The following DKK3 variants were observed in gnomAD, a reference collection of about 807,000 sequenced individuals.
DKK3 encodes dickkopf Wnt signaling pathway inhibitor 3, also known as dickkopf-related protein 3.
In DKK3, 22 loss-of-function variants were observed where a neutral mutation model predicts 33.2. The ratio of observed to expected loss-of-function variants is 0.66; its 90% CI spans 0.47 to 0.95. DKK3 has a LOEUF of 0.95. DKK3 is among the 40% of genes least tolerant of loss of function. DKK3 has a pLI of 0.00. For missense variants in DKK3, 398 were observed against 458.4 expected (o/e 0.87, Z 1.20); for synonymous variants, 194 against 188.8 (o/e 1.03, Z -0.23).
At chr11:11,998,378 T>C (rs1848344306) in intron 3 of DKK3, 1 of 448,676 alleles carries the variant, frequency 2.2e-6, no homozygotes. Context: ...CCACCTGATA[T>C]ACCAGGTCTG....
At chr11:11,972,939 G>T (rs577559324) in intron 3 of DKK3, among the ~76,000 whole-genome samples, 1 of 152,270 alleles carries the variant, frequency 6.6e-6, no homozygotes, top group African/African-American at 2.4e-5. Flanking sequence ...GCTGAGATCA[G>T]AAATAAGAGG....
intron 1 of DKK3, among the ~76,000 whole-genome samples, chr11:12,006,252 A>T (rs141149648): frequency 1.3e-5 from 2 of 152,268 alleles, no homozygotes; most frequent in African/African-American, 2.4e-5. Context: ...TGATAGTTTC[A>T]CAATCACAGG....
chr11:11,988,876 C>T (rs927383123), intron 3 of DKK3, among the ~76,000 whole-genome samples: 1 of 152,218 alleles, frequency 6.6e-6, no homozygotes, highest in Admixed American at 6.5e-5. Context: ...AGGTCAGTGG[C>T]ATCAGTTAAG....
chr11:11,968,355 G>A (rs942325319), intron 4 of DKK3, 40 bp downstream of exon 4: 1 of 1,577,162 alleles, frequency 6.3e-7, no homozygotes, highest in Non-Finnish European at 8.6e-7. Context: ...AGGTGCCTGA[G>A]ACCCTGGTGC....
chr11:11,964,417 T>C lies in DKK3; in HGVS notation c.*47A>G. The C allele has an allele frequency of 6.3e-7, 1 of 1,591,458 alleles. No individual in the cohort carries two copies. Among genetic ancestry groups the C allele is most frequent in the Non-Finnish European group, 8.5e-7 (1 of 1,173,082 alleles). ...CGCCTAAAGCACACACCTGGGGAAA[T>C]AAATTAGCTATTTCTATTGCACATC... On this transcript the variant is annotated 3_prime_UTR_variant, in exon 7 of 7. Transcript: ENST00000683431.
rs1353102791 is a variant in DKK3 at position 11,974,534 on chromosome 11, A to C, written c.436-6047T>G. Among the ~76,000 whole-genome samples, 3 of 152,228 alleles carry C rather than the reference A, an allele frequency of 2.0e-5. No individual in the cohort carries two copies. The South Asian group carries it at 6.2e-4, about 32-fold the overall frequency. ...AGAAAGGGCAAGAGAAAAGGGGACCAAACTTGCCCTTTTATAAGAAACCAA... is the reference window on the plus strand; with the variant it reads ...AGAAAGGGCAAGAGAAAAGGGGACCCAACTTGCCCTTTTATAAGAAACCAA... On this transcript the variant is annotated intron_variant, in intron 3 of 6. Coordinates refer to ENST00000683431, the MANE Select transcript of DKK3 (RefSeq NM_001018057.2).
chr11:11,997,856 A>G (rs541084328), intron 3 of DKK3, among the ~76,000 whole-genome samples: 2 of 152,324 alleles, frequency 1.3e-5, no homozygotes, highest in Non-Finnish European at 2.9e-5. Context: ...CCTTCCAGCC[A>G]TCAGACCAAA....
chr11:12,008,858 T>C, upstream of DKK3: 1 of 1,143,610 alleles, frequency 8.7e-7, no homozygotes, highest in Non-Finnish European at 1.1e-6. The surrounding 1 kb of genome is among the most constrained non-coding windows in gnomAD (Gnocchi z 4.6). Context: ...CAAGCTGAGC[T>C]CTGCTCCTCA....
Position 12,008,319 on chromosome 11 carries a change from T to C in DKK3, c.213+51A>G. On this transcript the variant is annotated intron_variant, in intron 1 of 6. Transcript: ENST00000683431. This position sits in a 1 kb window ranked among gnomAD's most constrained non-coding sequence, Gnocchi z 4.6. ...TCTTCCATGCCTTCCCAGACTTCGC[T>C]GCCCCCAGTCTGGCGCTTCTCAGAG... 3 of 1,557,536 alleles carry C rather than the reference T, an allele frequency of 1.9e-6. No individual in the cohort carries two copies. The highest frequency in any genetic ancestry group is 2.6e-6 in the Non-Finnish European group (3 of 1,157,684).
chr11:12,005,632 C>T (rs11822436), intron 1 of DKK3, among the ~76,000 whole-genome samples: 2,373 of 152,286 alleles, frequency 0.016, 50 homozygotes, highest in African/African-American at 0.054. Context: ...TAAGAAACTT[C>T]AACAGCTTGA....
intron 3 of DKK3, among the ~76,000 whole-genome samples, chr11:11,976,253 G>A (rs190137000): frequency 1.4e-3 from 219 of 152,360 alleles, no homozygotes; most frequent in African/African-American, 5.2e-3. Context: ...CTCTGGAGGG[G>A]AAGACAAGAA....
At chr11:12,003,965 G>A (rs1486852099) in intron 1 of DKK3, among the ~76,000 whole-genome samples, 1 of 152,142 alleles carries the variant, frequency 6.6e-6, no homozygotes. Flanking sequence ...CTTAGTCAGT[G>A]GCCGGATTCT....
chr11:11,978,408 CTCT>C (rs1430267034), intron 3 of DKK3, among the ~76,000 whole-genome samples: 6 of 148,674 alleles, frequency 4.0e-5, no homozygotes, highest in Non-Finnish European at 7.4e-5. Flanking sequence ...CTTCCTCTTC[CTCT>C]TCTTCTTCCT....
chr11:12,004,688 T>C (rs1033654414), intron 1 of DKK3, among the ~76,000 whole-genome samples: 15 of 152,194 alleles, frequency 9.9e-5, no homozygotes, highest in East Asian at 3.8e-4. Flanking sequence ...TGTCCTACTT[T>C]GTTGAGTAGA....
chr11:11,989,101 G>A (rs145867882), intron 3 of DKK3, among the ~76,000 whole-genome samples: 1 of 152,310 alleles, frequency 6.6e-6, no homozygotes, highest in African/African-American at 2.4e-5. Context: ...CCTGCTGGTG[G>A]GAATGCAAAA....
intron 1 of DKK3, among the ~76,000 whole-genome samples, chr11:12,002,675 A>G (rs1016180892): frequency 7.9e-5 from 12 of 152,188 alleles, no homozygotes; most frequent in African/African-American, 2.9e-4. Flanking sequence ...CATATTACAA[A>G]TAGGGAAACT....
chr11:11,983,744 T>C (rs956497510), intron 3 of DKK3, among the ~76,000 whole-genome samples: 1 of 152,222 alleles, frequency 6.6e-6, no homozygotes, highest in Non-Finnish European at 1.5e-5. Flanking sequence ...ATGGTCCATC[T>C]GGGAGATGCC....
intron 1 of DKK3, among the ~76,000 whole-genome samples, chr11:12,006,316 T>C (rs4290212): frequency 0.18 from 27,977 of 152,178 alleles, 3,386 homozygotes; most frequent in African/African-American, 0.35. Context: ...TATTCAGGGA[T>C]AGCTGCCCAA....
At chr11:12,002,501 G>GAA in intron 1 of DKK3, 64 bp from the exon 2 acceptor site, 1 of 1,489,594 alleles carries the variant, frequency 6.7e-7, no homozygotes, top group Admixed American at 2.0e-5. Context: ...GAGTCTATTA[G>GAA]AAAAAAAAAA....
Sources: gnomAD v4.1 joint callset for allele counts (sites outside exome capture counted in the v4.1 genomes callset) on GRCh38, gnomAD v4.1.1 for gene constraint, Gnocchi (gnomAD v3.1) non-coding constraint, MANE v1.5 for transcripts, NCBI Gene and HGNC (gene_info 2026-07-23, HGNC 2026-07-21) for gene names.